SLC75A1: variants seen among roughly 807,000 people sequenced by gnomAD.
The protein encoded by SLC75A1 is solute carrier family 75 member 1.
At chr4:2,931,901 A>G in the SLC75A1 span, 7 of 1,611,416 alleles carry the variant, frequency 4.3e-6, no homozygotes, top group Non-Finnish European at 5.9e-6. Context: ...AGGTAGAGGA[A>G]GTAGACTAGG....
chr4:2,933,292 C>T, the SLC75A1 span: 13 of 1,351,290 alleles, frequency 9.6e-6, no homozygotes, highest in South Asian at 3.8e-5. Context: ...TGTCCAGCCC[C>T]GTCCTGAGGG....
the SLC75A1 span, chr4:2,933,764 C>A: frequency 6.3e-7 from 1 of 1,598,672 alleles, no homozygotes; most frequent in Non-Finnish European, 8.5e-7. Flanking sequence ...TGGGCACGGC[C>A]GTGGCTCTCC....
the SLC75A1 span, chr4:2,934,110 C>A: frequency 1.5e-6 from 1 of 650,108 alleles, no homozygotes; most frequent in South Asian, 1.9e-5. Context: ...CCGCCCCGAA[C>A]CCAGGCAGCA....
At chr4:2,933,032 C>T in the SLC75A1 span, 1 of 1,444,964 alleles carries the variant, frequency 6.9e-7, no homozygotes, top group Non-Finnish European at 9.6e-7. Flanking sequence ...CCTCCCTCTC[C>T]CCACCTAACC....
chr4:2,933,267 G>T, the SLC75A1 span: 1 of 1,492,162 alleles, frequency 6.7e-7, no homozygotes, highest in Non-Finnish European at 9.3e-7. Context: ...GTGGTCTTGG[G>T]GCCCTCAAGG....
the SLC75A1 span, chr4:2,932,875 G>T: frequency 1.5e-6 from 2 of 1,339,312 alleles, no homozygotes; most frequent in Non-Finnish European, 1.0e-6. Context: ...CGAAGCATCT[G>T]AGGGCCACTT....
At chr4:2,931,099 G>T in the SLC75A1 span, 1 of 1,593,854 alleles carries the variant, frequency 6.3e-7, no homozygotes. Context: ...CCTGGCCAGA[G>T]CACCTAGGCT....
the SLC75A1 span, chr4:2,934,328 C>A: frequency 4.4e-6 from 1 of 226,454 alleles, no homozygotes; most frequent in Non-Finnish European, 8.9e-6. Context: ...AACCCCAGCC[C>A]CGGCCCGCGC....
At chr4:2,932,026 G>A in the SLC75A1 span, 1 of 1,609,534 alleles carries the variant, frequency 6.2e-7, no homozygotes, top group South Asian at 1.1e-5. Context: ...CTCCACGCTT[G>A]GGTTGGTCGA....
At chr4:2,932,022 G>A in the SLC75A1 span, 12 of 1,608,776 alleles carry the variant, frequency 7.5e-6, no homozygotes, top group Admixed American at 5.0e-5. Context: ...CAGGCTCCAC[G>A]CTTGGGTTGG....
chr4:2,932,156 G>C, the SLC75A1 span: 1 of 1,602,850 alleles, frequency 6.2e-7, no homozygotes, highest in Non-Finnish European at 8.5e-7. Context: ...GAGGGCGCCT[G>C]TGGGGATGGC....
chr4:2,931,282 G>A, the SLC75A1 span: 1 of 1,552,704 alleles, frequency 6.4e-7, no homozygotes, highest in Non-Finnish European at 8.7e-7. Flanking sequence ...CGGCTGGTGG[G>A]AGACATCGAG....
the SLC75A1 span, chr4:2,932,139 G>A: frequency 9.3e-6 from 15 of 1,606,736 alleles, no homozygotes; most frequent in African/African-American, 2.7e-5. Context: ...GGAACCCCAG[G>A]GCGATAGAGG....
chr4:2,930,744 T>TGGACTGGCGGGGGGTGGG, the SLC75A1 span: 1 of 1,420,010 alleles, frequency 7.0e-7, no homozygotes. Flanking sequence ...AGGGTCTCCC[T>TGGACTGGCGGGGGGTGGG]GGACTGGCGG....
chr4:2,931,733 G>A, the SLC75A1 span: 3 of 1,546,052 alleles, frequency 1.9e-6, no homozygotes, highest in Non-Finnish European at 2.6e-6. Context: ...GGCGAGAGTG[G>A]CTGCCAAGGC....
At chr4:2,933,233 T>TG in the SLC75A1 span, 2 of 1,604,570 alleles carry the variant, frequency 1.2e-6, no homozygotes, top group Admixed American at 3.3e-5. Flanking sequence ...GTCACCATCA[T>TG]GGGGCTGCCT....
chr4:2,931,205 C>T, the SLC75A1 span: 87 of 1,560,150 alleles, frequency 5.6e-5, no homozygotes, highest in African/African-American at 3.3e-4. Context: ...CAGGTGGCTT[C>T]GGCCGAGGGA....
chr4:2,932,203 A>G, the SLC75A1 span: 15 of 1,562,886 alleles, frequency 9.6e-6, no homozygotes, highest in Non-Finnish European at 1.3e-5. Context: ...TGGCCTGGCA[A>G]CCCACGGACT....
chr4:2,932,530 C>T, the SLC75A1 span: 45 of 1,613,204 alleles, frequency 2.8e-5, no homozygotes, highest in Middle Eastern at 3.3e-4. Flanking sequence ...AAAGACCACC[C>T]GAGCTGCACA....
Sources: gnomAD v4.1 joint callset for allele counts on GRCh38, gnomAD v4.1.1 for gene constraint, MANE v1.5 for transcripts, NCBI Gene and HGNC (gene_info 2026-07-23, HGNC 2026-07-21) for gene names.